KLHL13: variants seen among roughly 807,000 people sequenced by gnomAD.
The protein encoded by KLHL13 is kelch like family member 13, also known as kelch-like protein 13.
A neutral mutation model predicts 37.1 loss-of-function variants in KLHL13; 10 were observed. That is an observed-to-expected ratio of 0.27 (90% CI 0.17 to 0.46). KLHL13 has a LOEUF of 0.46. Ranked by LOEUF, KLHL13 falls within the 20% of genes least tolerant of loss-of-function variation. KLHL13 has a pLI of 1.00. For missense variants in KLHL13, 360 were observed against 509.3 expected, an observed-to-expected ratio of 0.71 and a Z score of 2.82; for synonymous variants, 163 against 181.2, an observed-to-expected ratio of 0.90 and a Z score of 0.81.
At chrX:117,928,619 C>T (rs988143117) in intron 2 of KLHL13, among the ~76,000 whole-genome samples, 4 of 111,251 alleles carry the variant, frequency 3.6e-5, no homozygotes, top group African/African-American at 1.3e-4. Context: ...ATAAAGAAAT[C>T]AAAAGAAAAA....
At chrX:117,905,432 T>G (rs1007768537) in intron 5 of KLHL13, among the ~76,000 whole-genome samples, 4 of 111,059 alleles carry the variant, frequency 3.6e-5, no homozygotes, top group Admixed American at 2.9e-4. Flanking sequence ...TTGTAACCAG[T>G]GTCAAAGGAA....
At chrX:117,987,138 C>T (rs1569434020) in intron 1 of KLHL13, among the ~76,000 whole-genome samples, 1 of 111,318 alleles carries the variant, frequency 9.0e-6, no homozygotes, top group African/African-American at 3.3e-5. Context: ...TCCAGGGAAT[C>T]GATGAGAAAG....
chrX:117,920,452 T>G, intron 2 of KLHL13, 82 bp from the exon 4 acceptor site: 2 of 973,480 alleles, frequency 2.1e-6, no homozygotes, highest in East Asian at 3.2e-5. Context: ...GTTTGAATAT[T>G]AATGTGGTGC....
chrX:117,966,419 C>A (rs1467266687), intron 1 of KLHL13, among the ~76,000 whole-genome samples: 1 of 110,868 alleles, frequency 9.0e-6, no homozygotes, highest in Non-Finnish European at 1.9e-5. Flanking sequence ...AGGATACAAA[C>A]AAATGGAAGA....
intron 1 of KLHL13, among the ~76,000 whole-genome samples, chrX:118,001,485 T>C (rs917013207): frequency 8.9e-6 from 1 of 111,756 alleles, no homozygotes; most frequent in Admixed American, 9.5e-5. Flanking sequence ...ATTCTACGAT[T>C]TTTAAAGAAC....
chrX:118,089,618 AAG>A (rs778374748), intron 1 of KLHL13, among the ~76,000 whole-genome samples: 3,359 of 48,992 alleles, frequency 0.069, 67 homozygotes, highest in Middle Eastern at 0.089. Context: ...GAGAGAAAGA[AAG>A]AGAAAGAAAG....
intron 1 of KLHL13, among the ~76,000 whole-genome samples, chrX:118,070,057 C>T (rs1391434444): frequency 1.8e-5 from 2 of 112,253 alleles, no homozygotes; most frequent in Non-Finnish European, 3.8e-5. Context: ...TCAGTACAGT[C>T]ACATGCATTA....
intron 1 of KLHL13, among the ~76,000 whole-genome samples, chrX:117,982,622 G>A (rs979991414): frequency 1.8e-5 from 2 of 111,877 alleles, no homozygotes; most frequent in Non-Finnish European, 3.8e-5. Flanking sequence ...TCAAACATTA[G>A]TGTGCATAAG....
intron 4 of KLHL13, among the ~76,000 whole-genome samples, chrX:117,917,568 G>T (rs1366510130): frequency 8.9e-6 from 1 of 112,183 alleles, no homozygotes; most frequent in Admixed American, 9.4e-5. Flanking sequence ...AAGTGACTAT[G>T]GTCTCATCTT....
At chrX:117,974,891 G>A (rs908904051), upstream of KLHL13, among the ~76,000 whole-genome samples, 5 of 111,390 alleles carry the variant, frequency 4.5e-5, no homozygotes, top group Non-Finnish European at 9.4e-5. Flanking sequence ...ACCCAGTCAA[G>A]CATTTTAAAG....
intron 1 of KLHL13, among the ~76,000 whole-genome samples, chrX:117,968,794 G>GA (rs746664768): frequency 1.4e-4 from 16 of 110,354 alleles, no homozygotes; most frequent in East Asian, 8.5e-4. Context: ...TACTAAATTA[G>GA]AAAAAAAAGA....
chrX:118,097,767 T>C (rs1452333136), intron 1 of KLHL13, among the ~76,000 whole-genome samples: 2 of 110,641 alleles, frequency 1.8e-5, no homozygotes, highest in African/African-American at 3.3e-5. Context: ...CCCTCAGAAA[T>C]AACGCCGCAT....
intron 1 of KLHL13, among the ~76,000 whole-genome samples, chrX:117,967,497 G>A (rs778225004): frequency 9.9e-4 from 110 of 111,235 alleles, no homozygotes; most frequent in Non-Finnish European, 1.7e-3. Context: ...CAGTAACTCC[G>A]TACTTCCCAT....
At chrX:117,908,543 C>A (rs1478280759) in intron 5 of KLHL13, among the ~76,000 whole-genome samples, 1 of 110,737 alleles carries the variant, frequency 9.0e-6, no homozygotes, top group Non-Finnish European at 1.9e-5. Flanking sequence ...GGACTTCCTG[C>A]CTTTATTTTT....
At chrX:117,987,917 C>G (rs963185821) in intron 1 of KLHL13, among the ~76,000 whole-genome samples, 1 of 111,507 alleles carries the variant, frequency 9.0e-6, no homozygotes, top group African/African-American at 3.3e-5. Flanking sequence ...GGTGAATGTG[C>G]CACATTTTCC....
intron 2 of KLHL13, among the ~76,000 whole-genome samples, chrX:117,927,045 A>G (rs1258436292): frequency 1.9e-5 from 2 of 107,564 alleles, no homozygotes; most frequent in Non-Finnish European, 3.9e-5. Flanking sequence ...AGCTGGGACT[A>G]TAGGCGCATG....
chrX:118,082,856 T>C (rs1006041163), intron 1 of KLHL13, among the ~76,000 whole-genome samples: 9 of 111,680 alleles, frequency 8.1e-5, no homozygotes, highest in Non-Finnish European at 1.1e-4. Context: ...GAAGAGACTT[T>C]CCTTTCCCTC....
intron 5 of KLHL13, among the ~76,000 whole-genome samples, chrX:117,905,009 T>C (rs940750986): frequency 9.0e-6 from 1 of 111,469 alleles, no homozygotes; most frequent in Admixed American, 9.6e-5. Context: ...GATGTGGAAT[T>C]TATTTGTTCT....
chrX:118,104,982 T>G (rs1305906414), intron 1 of KLHL13, among the ~76,000 whole-genome samples: 1 of 112,247 alleles, frequency 8.9e-6, no homozygotes, highest in Non-Finnish European at 1.9e-5. Flanking sequence ...AACAGAGCTC[T>G]GATTAGCTGT....
Sources: allele counts gnomAD v4.1 joint callset (sites outside exome capture counted in the v4.1 genomes callset), GRCh38; gene constraint gnomAD v4.1.1; transcripts MANE v1.5; gene names NCBI Gene and HGNC (gene_info 2026-07-23, HGNC 2026-07-21).